Variants in NCALD observed in about 807,000 individuals in gnomAD.
NCALD encodes neurocalcin-delta.
A neutral mutation model predicts 18.6 loss-of-function variants in NCALD; 10 were observed. The ratio of observed to expected loss-of-function variants is 0.54; its 90% CI spans 0.33 to 0.91. NCALD has a LOEUF of 0.91. NCALD is among the 40% of genes least tolerant of loss of function. NCALD has a pLI of 0.03. For missense variants in NCALD, 184 were observed against 247.6 expected (o/e 0.74, Z 1.72); for synonymous variants, 88 against 87.4 (o/e 1.01, Z -0.04).
At chr8:102,007,484 AC>A (rs1303648928) in intron 2 of NCALD, among the ~76,000 whole-genome samples, 2 of 152,214 alleles carry the variant, frequency 1.3e-5, no homozygotes, top group Non-Finnish European at 2.9e-5. Flanking sequence ...GCTCTAAAGG[AC>A]TTGGAAAATG....
At chr8:101,840,573 A>G (rs1814603158) in intron 4 of NCALD, among the ~76,000 whole-genome samples, 1 of 152,210 alleles carries the variant, frequency 6.6e-6, no homozygotes, top group Admixed American at 6.5e-5. Flanking sequence ...CTTCTATGTC[A>G]TTTTTAAATT....
At chr8:101,858,381 G>C (rs1815405789) in intron 4 of NCALD, among the ~76,000 whole-genome samples, 1 of 152,180 alleles carries the variant, frequency 6.6e-6, no homozygotes, top group African/African-American at 2.4e-5. Context: ...ATAAAGGTGA[G>C]AGGTGGAACT....
At chr8:102,101,866 G>C (rs1179668731) in intron 1 of NCALD, among the ~76,000 whole-genome samples, 1 of 152,174 alleles carries the variant, frequency 6.6e-6, no homozygotes, top group East Asian at 1.9e-4. Context: ...GTGGGAGCCT[G>C]AATTTTAAAA....
At chr8:101,699,386 T>C (rs1235851763) in intron 2 of NCALD, among the ~76,000 whole-genome samples, 1 of 152,154 alleles carries the variant, frequency 6.6e-6, no homozygotes, top group East Asian at 1.9e-4. Flanking sequence ...AGAAATACCA[T>C]TTGACCCAGC....
At chr8:101,853,453 G>A (rs958792657) in intron 4 of NCALD, among the ~76,000 whole-genome samples, 2 of 152,074 alleles carry the variant, frequency 1.3e-5, no homozygotes, top group African/African-American at 4.8e-5. Context: ...AAGACAGAGG[G>A]ATCAAAATAT....
intron 4 of NCALD, among the ~76,000 whole-genome samples, chr8:101,878,798 C>T (rs1316923538): frequency 1.3e-5 from 2 of 152,152 alleles, no homozygotes; most frequent in African/African-American, 4.8e-5. Context: ...TGATCAAGAT[C>T]TAATCCAAGC....
chr8:102,085,855 A>G (rs1349790353), intron 1 of NCALD, among the ~76,000 whole-genome samples: 1 of 152,156 alleles, frequency 6.6e-6, no homozygotes, highest in African/African-American at 2.4e-5. Flanking sequence ...CTTTTAACCA[A>G]GCAGAAAAAG....
At chr8:102,103,238 A>C (rs1252366335) in intron 1 of NCALD, among the ~76,000 whole-genome samples, 2 of 604 alleles carry the variant, frequency 3.3e-3, no homozygotes, top group Admixed American at 0.036. Flanking sequence ...CTCCCTAAAC[A>C]CACTCTACCC....
At chr8:102,101,687 C>T (rs772889446) in intron 1 of NCALD, among the ~76,000 whole-genome samples, 4 of 152,314 alleles carry the variant, frequency 2.6e-5, no homozygotes, top group South Asian at 2.1e-4. Context: ...TAAGAACAGG[C>T]TGTTCATTTA....
At position 101,938,655 on chromosome 8, in the gene NCALD, T is replaced by TAA. The variant is rs11285546; in HGVS notation, c.-156-22799_-156-22798dup. On this transcript the variant is annotated intron_variant, in intron 2 of 6. Coordinates refer to the NCALD transcript ENST00000311028. ...AATGCAACAAACAAAGAAATAATGG[T>TAA]AAAAAAAAAAACTTGTAAGTGGCAA... Among the ~76,000 whole-genome samples, 314 of 150,110 alleles carry TAA rather than the reference T, an allele frequency of 2.1e-3. 2 individuals are homozygous for TAA. The highest frequency in any genetic ancestry group is 6.8e-3 in the African/African-American group (281 of 41,026).
chr8:101,951,342 A>C (rs1267597522), intron 2 of NCALD, among the ~76,000 whole-genome samples: 1 of 152,228 alleles, frequency 6.6e-6, no homozygotes, highest in Non-Finnish European at 1.5e-5. Context: ...AGGGAGGTGT[A>C]CAGGCAGCAT....
chr8:102,012,250 A>T (rs902669586), intron 2 of NCALD, among the ~76,000 whole-genome samples: 1 of 152,232 alleles, frequency 6.6e-6, no homozygotes, highest in African/African-American at 2.4e-5. Context: ...ATGTCACCTG[A>T]TTCTCCTACA....
At position 101,691,250 on chromosome 8, in the gene NCALD, A is replaced by AC. The variant is rs149640152; in HGVS notation, c.484+1540dup. On this transcript the variant is annotated intron_variant, in intron 3 of 3. Transcript: ENST00000220931. ...CTTCCTCCTTCCTTCTACAGCTCCC[A>AC]CCCCCCTCTCCCAACCCTAACCTTT... 6,401 of 984,522 alleles carry AC rather than the reference A, an allele frequency of 6.5e-3. 280 individuals carry two copies. In the African/African-American group the frequency reaches 0.1, roughly 16 times the overall value. 61.0% of individuals were successfully genotyped at this position (984,522 alleles called of 1,614,324 possible).
chr8:101,944,714 T>C (rs1423642905), intron 2 of NCALD, among the ~76,000 whole-genome samples: 3 of 152,300 alleles, frequency 2.0e-5, no homozygotes, highest in Non-Finnish European at 4.4e-5. Flanking sequence ...TGCCTGACAA[T>C]GCGCTTCCAA....
chr8:101,885,426 C>T (rs929852265), intron 4 of NCALD, among the ~76,000 whole-genome samples: 6 of 152,180 alleles, frequency 3.9e-5, no homozygotes, highest in East Asian at 1.9e-4. Flanking sequence ...ATGGAAAGCC[C>T]CTGTTAGGAA....
chr8:101,988,016 G>A (rs1194259406), intron 2 of NCALD, among the ~76,000 whole-genome samples: 3 of 151,594 alleles, frequency 2.0e-5, no homozygotes, highest in Admixed American at 6.6e-5. Context: ...TTAGCCGGGC[G>A]TAGTGGCGGG....
chr8:101,718,609 T>C (rs1816198495), intron 2 of NCALD, among the ~76,000 whole-genome samples: 1 of 152,190 alleles, frequency 6.6e-6, no homozygotes, highest in African/African-American at 2.4e-5. Context: ...CCAGGACGAC[T>C]GGGCAAAAGT....
intron 2 of NCALD, 104 bp downstream of exon 2, chr8:101,719,148 G>T: frequency 7.3e-7 from 1 of 1,373,512 alleles, no homozygotes; most frequent in Non-Finnish European, 9.9e-7. Context: ...AAGTGTCCTG[G>T]TGACTCACCA....
intron 4 of NCALD, among the ~76,000 whole-genome samples, chr8:101,837,659 T>C (rs1814468221): frequency 6.6e-6 from 1 of 152,160 alleles, no homozygotes; most frequent in Admixed American, 6.5e-5. Context: ...ATATAAATCT[T>C]ATGAACCTTA....
Sources: allele counts gnomAD v4.1 joint callset (sites outside exome capture counted in the v4.1 genomes callset), GRCh38; gene constraint gnomAD v4.1.1; transcripts MANE v1.5; gene names NCBI Gene and HGNC (gene_info 2026-07-23, HGNC 2026-07-21).